The following NSD3 variants were observed in gnomAD, a reference collection of about 807,000 sequenced individuals.
NSD3 encodes the protein histone-lysine N-methyltransferase NSD3.
In NSD3, 24 loss-of-function variants were observed where a neutral mutation model predicts 160.8. The observed-to-expected ratio is 0.15, with a 90% CI of 0.11 to 0.21. The LOEUF is 0.21. Ranked by LOEUF, NSD3 falls within the 10% of genes least tolerant of loss-of-function variation. The pLI is 1.00. For missense variants in NSD3, 1,157 were observed against 1,735.9 expected, an observed-to-expected ratio of 0.67 and a Z score of 5.93; for synonymous variants, 520 against 600.0, an observed-to-expected ratio of 0.87 and a Z score of 1.95.
intron 1 of NSD3, among the ~76,000 whole-genome samples, chr8:38,365,674 T>A (rs555642330): frequency 6.6e-6 from 1 of 152,112 alleles, no homozygotes; most frequent in Non-Finnish European, 1.5e-5. Flanking sequence ...GGTTTCCGCA[T>A]GTTGGCCAGG....
In NSD3 at chr8:38,317,667, C is replaced by A; in HGVS notation, c.1855+1228G>T. ...GATGCTTTATTTAAAAACAAAAAAC[C>A]AAAAACAGTCCATGTTGAAATTGAT... is the stretch of plus-strand genomic sequence containing the variant. On this transcript the variant is annotated intron_variant, in intron 9 of 23. Transcript: ENST00000317025. The surrounding 1 kb of genome is among the most constrained non-coding windows in gnomAD (Gnocchi z 5.3). The A allele has an allele frequency of 8.2e-7, 1 of 1,215,752 alleles. No homozygotes were observed. Among genetic ancestry groups the A allele is most frequent in the South Asian group, 2.3e-5 (1 of 43,572 alleles). 75.3% of individuals were successfully genotyped at this position (1,215,752 alleles called of 1,614,324 possible). A position where few individuals can be genotyped will look rare whatever the true frequency, so the allele number is the denominator to read the frequency against.
chr8:38,319,802 A>T lies in NSD3; in HGVS notation c.1810-862T>A, dbSNP rs1809755996. The T allele has an allele frequency of 6.6e-6, 1 of 152,226 alleles. No individual in the cohort carries two copies. 9.4% of individuals were successfully genotyped at this position (152,226 alleles called of 1,614,324 possible). A position where few individuals can be genotyped will look rare whatever the true frequency, so the allele number is the denominator to read the frequency against. ...TTTTTTTTACAACAGGTAAAAAAAC[A>T]TACAACAGAAACGCTTTTATAAGAT... On this transcript the variant is annotated intron_variant, in intron 8 of 23. Transcript: ENST00000317025. The surrounding 1 kb of genome is among the most constrained non-coding windows in gnomAD (Gnocchi z 4.1).
At chr8:38,289,917 TAA>T (rs35972978) in intron 17 of NSD3, among the ~76,000 whole-genome samples, 1 of 152,180 alleles carries the variant, frequency 6.6e-6, no homozygotes, top group South Asian at 2.1e-4. Context: ...TTCACTTGAT[TAA>T]AAAGACTATT....
rs1178586336 is a variant in NSD3, at chr8:38,271,584, T to C, written c.*4057A>G. 1 of 152,236 alleles carries C rather than the reference T, an allele frequency of 6.6e-6. No homozygotes were observed. Among genetic ancestry groups the C allele is most frequent in the Non-Finnish European group, 1.5e-5 (1 of 68,044 alleles). The allele number at this position is 152,236 out of a possible 1,614,324, so 9.4% of individuals were successfully genotyped here. On this transcript the variant is annotated 3_prime_UTR_variant, in exon 24 of 24. Coordinates refer to ENST00000317025, the MANE Select transcript of NSD3 (RefSeq NM_023034.2). ...TGAAAATGGAAGCAAGTTCTACTTT[T>C]TGTTTTACAAATAACCAGAGACCAA... is the stretch of plus-strand genomic sequence containing the variant.
chr8:38,333,079 T>C (rs1347824544), intron 4 of NSD3, among the ~76,000 whole-genome samples: 2 of 152,028 alleles, frequency 1.3e-5, no homozygotes, highest in African/African-American at 4.8e-5. Context: ...CCTAAACTAA[T>C]AAGTGAATTT....
chr8:38,349,794 T>C (rs1283726559), intron 1 of NSD3, among the ~76,000 whole-genome samples: 1 of 151,464 alleles, frequency 6.6e-6, no homozygotes, highest in African/African-American at 2.4e-5. Flanking sequence ...TATTAACTCG[T>C]CATTTACATT....
chr8:38,366,203 T>C (rs1330581542), intron 1 of NSD3, among the ~76,000 whole-genome samples: 1 of 151,894 alleles, frequency 6.6e-6, no homozygotes, highest in Non-Finnish European at 1.5e-5. Flanking sequence ...CTGCTAGTAA[T>C]TGCACTGATT....
At chr8:38,313,076 T>C (rs1012246184) in intron 12 of NSD3, among the ~76,000 whole-genome samples, 15 of 152,198 alleles carry the variant, frequency 9.9e-5, no homozygotes, top group East Asian at 1.9e-4. Context: ...GGGCTGCCAG[T>C]TGGCAAACTG....
intron 16 of NSD3, among the ~76,000 whole-genome samples, chr8:38,292,257 T>C (rs1487194618): frequency 1.3e-5 from 2 of 152,236 alleles, no homozygotes; most frequent in Admixed American, 1.3e-4. Context: ...ATTAAAACAA[T>C]GCAGAAATGT....
chr8:38,345,080 T>C (rs902058490), intron 2 of NSD3, among the ~76,000 whole-genome samples: 8 of 152,148 alleles, frequency 5.3e-5, no homozygotes, highest in African/African-American at 1.9e-4. Flanking sequence ...GCTTTGAAGG[T>C]CTGTGGTCAG....
intron 1 of NSD3, among the ~76,000 whole-genome samples, chr8:38,369,940 G>A (rs1811201596): frequency 6.6e-6 from 1 of 151,958 alleles, no homozygotes. Context: ...GACTACACGC[G>A]TGCACCACAA....
rs778773550 is a variant in NSD3 at position 38,304,600 on chromosome 8, G to A, written c.2598C>T (p.Phe866=). 16 of 1,610,238 alleles carry A rather than the reference G, an allele frequency of 9.9e-6. No homozygotes were observed. The highest frequency in any genetic ancestry group is 2.2e-5 in the South Asian group (2 of 90,098). The change falls in exon 14 of 24, where the codon TTC becomes TTT. Residue 866 remains phenylalanine, a synonymous_variant. Coordinates refer to ENST00000317025, the MANE Select transcript of NSD3 (RefSeq NM_023034.2). ...NSSAVNVGFC[F]VCARGLIVQD... ...TCAGACACTCACCTCTGGCACAAAC[G>A]AAACAAAAGCCTACATTTACAGCAG...
intron 17 of NSD3, among the ~76,000 whole-genome samples, chr8:38,289,863 G>T (rs555176197): frequency 3.3e-5 from 5 of 152,308 alleles, no homozygotes; most frequent in African/African-American, 1.2e-4. Flanking sequence ...CAGTTGTAAG[G>T]CTTTTCATGG....
At chr8:38,358,789 C>T (rs1810886423) in intron 1 of NSD3, among the ~76,000 whole-genome samples, 1 of 152,060 alleles carries the variant, frequency 6.6e-6, no homozygotes, top group South Asian at 2.1e-4. Context: ...CCCCTAAAAA[C>T]ATCTTCTGAA....
rs534177159 is a variant in NSD3, at chr8:38,317,891, C to T, written c.1855+1004G>A. The T allele has an allele frequency of 6.9e-6, 11 of 1,600,550 alleles. No homozygotes were observed. The highest frequency in any genetic ancestry group is 1.3e-5 in the African/African-American group (1 of 74,324). On this transcript the variant is annotated intron_variant, in intron 9 of 23. Coordinates refer to ENST00000317025, the MANE Select transcript of NSD3 (RefSeq NM_023034.2). The surrounding 1 kb of genome is among the most constrained non-coding windows in gnomAD (Gnocchi z 5.3). ...ACAAAGAAACTGTTTATCAAGCCGC[C>T]GACAAAGAAATCTTGCATGGAGACT...
intron 15 of NSD3, among the ~76,000 whole-genome samples, chr8:38,298,476 C>G (rs1444079556): frequency 6.6e-6 from 1 of 152,088 alleles, no homozygotes; most frequent in Non-Finnish European, 1.5e-5. Flanking sequence ...AGCAAAGATA[C>G]ATCAAACAGG....
chr8:38,322,098 C>A (rs1027873322), intron 7 of NSD3, among the ~76,000 whole-genome samples: 4 of 152,132 alleles, frequency 2.6e-5, no homozygotes, highest in African/African-American at 9.7e-5. Flanking sequence ...TAGGAAGAAG[C>A]CACTAAGACC....
chr8:38,370,264 C>T (rs1205799382), intron 1 of NSD3, among the ~76,000 whole-genome samples: 2 of 152,028 alleles, frequency 1.3e-5, no homozygotes, highest in Non-Finnish European at 2.9e-5. Context: ...GTAAAACATA[C>T]TTTCCACAGA....
At chr8:38,279,846 C>T (rs1371659984) in intron 20 of NSD3, 165 bp from the exon 21 acceptor site, 2 of 680,852 alleles carry the variant, frequency 2.9e-6, no homozygotes, top group African/African-American at 3.6e-5. Context: ...AAGTTCTCTC[C>T]TTTATTTGAT....
Sources: allele counts gnomAD v4.1 joint callset (sites outside exome capture counted in the v4.1 genomes callset), GRCh38; gene constraint gnomAD v4.1.1; non-coding constraint Gnocchi (gnomAD v3.1); transcripts MANE v1.5; gene names NCBI Gene and HGNC (gene_info 2026-07-23, HGNC 2026-07-21).